Variants in GNB1L observed in about 807,000 individuals in gnomAD.
The protein encoded by GNB1L is guanine nucleotide-binding protein subunit beta-like protein 1.
In GNB1L, 20 loss-of-function variants were observed where a neutral mutation model predicts 29.1. The ratio of observed to expected loss-of-function variants is 0.69; its 90% CI spans 0.48 to 1.00. The LOEUF is 1.00. Among genes scored for constraint, GNB1L ranks in the 50% least tolerant of loss-of-function variants. The pLI is 0.00. For missense variants in GNB1L, 421 were observed against 464.9 expected, an observed-to-expected ratio of 0.91 and a Z score of 0.87; for synonymous variants, 193 against 206.5, an observed-to-expected ratio of 0.93 and a Z score of 0.56.
In GNB1L at chr22:19,809,025, A is replaced by C. The variant is rs80187699; in HGVS notation, c.418-2268T>G. 7.6e-3 allele frequency among the ~76,000 whole-genome samples: 1,152 copies of C among 152,094 alleles called. 26 individuals are homozygous for C. The South Asian group carries it at 0.086, about 11-fold the overall frequency. On this transcript the variant is annotated intron_variant, in intron 5 of 7. Transcript: ENST00000329517. ...CAGGGAAGTGCTAGGAAGGGAAGTC[A>C]CCTGGCAAGGGCTCCACCCCCGGGC... is the stretch of plus-strand genomic sequence containing the variant.
intron 2 of GNB1L, among the ~76,000 whole-genome samples, chr22:19,852,745 T>G (rs1672618361): frequency 1.3e-5 from 2 of 152,176 alleles, no homozygotes; most frequent in Non-Finnish European, 1.5e-5. Context: ...AATTTCAGGA[T>G]AGCAATAGTA....
intron 4 of GNB1L, among the ~76,000 whole-genome samples, chr22:19,819,911 A>C (rs1357813099): frequency 6.6e-6 from 1 of 152,074 alleles, no homozygotes; most frequent in African/African-American, 2.4e-5. Flanking sequence ...CTATACACCC[A>C]AGCCCTGCGC....
At position 19,792,586 on chromosome 22, in the gene GNB1L, TG is replaced by T. The variant is rs1334882420; in HGVS notation, c.733-3627del. ...CAAACAGCTACTCAGCTGCTTAAGC[TG>T]GCCCACAAGTACAGACCAGAGACAA... On this transcript the variant is annotated intron_variant, in intron 7 of 7. Coordinates refer to ENST00000329517, the MANE Select transcript of GNB1L (RefSeq NM_053004.3). 14 of 1,597,268 alleles carry T rather than the reference TG, an allele frequency of 8.8e-6. No homozygotes were observed. In the African/African-American group the frequency reaches 1.7e-4, roughly 20 times the overall value.
intron 2 of GNB1L, among the ~76,000 whole-genome samples, chr22:19,830,872 A>T (rs1178128107): frequency 1.3e-5 from 2 of 152,228 alleles, no homozygotes; most frequent in Non-Finnish European, 1.5e-5. Flanking sequence ...AAATAAACCC[A>T]AGTACGTGTG....
At chr22:19,792,444 C>G (rs1314725544) in intron 7 of GNB1L, 1 of 1,575,970 alleles carries the variant, frequency 6.3e-7, no homozygotes, top group Non-Finnish European at 8.6e-7. Flanking sequence ...CAAAAGAGAC[C>G]TCACCCACTT....
intron 7 of GNB1L, among the ~76,000 whole-genome samples, chr22:19,800,680 C>T (rs773966909): frequency 6.6e-6 from 1 of 152,206 alleles, no homozygotes; most frequent in Non-Finnish European, 1.5e-5. Context: ...ACATCAGGGC[C>T]TTGTGCCCCC....
At chr22:19,829,170 C>T (rs943801185) in intron 2 of GNB1L, among the ~76,000 whole-genome samples, 2 of 152,082 alleles carry the variant, frequency 1.3e-5, no homozygotes, top group African/African-American at 4.8e-5. Flanking sequence ...ATCACGTGGA[C>T]AATAAGTAGG....
At chr22:19,830,996 G>A (rs1937671373) in intron 2 of GNB1L, among the ~76,000 whole-genome samples, 1 of 152,170 alleles carries the variant, frequency 6.6e-6, no homozygotes, top group Non-Finnish European at 1.5e-5. Context: ...ACTCCAAGTG[G>A]ATCTGGGATC....
At chr22:19,812,608 G>A (rs1188845913) in intron 4 of GNB1L, among the ~76,000 whole-genome samples, 161 bp from the exon 5 acceptor site, 6 of 152,232 alleles carry the variant, frequency 3.9e-5, no homozygotes, top group Non-Finnish European at 5.9e-5. Flanking sequence ...GGGCCTCACC[G>A]CTCTGGCATT....
intron 2 of GNB1L, chr22:19,849,029 G>A (rs1479776552): frequency 8.1e-6 from 8 of 985,272 alleles, no homozygotes; most frequent in Non-Finnish European, 7.2e-6. Flanking sequence ...CCACAAAAGG[G>A]GGGATGGGGC....
intron 6 of GNB1L, among the ~76,000 whole-genome samples, chr22:19,804,590 C>T (rs1179262916): frequency 6.6e-6 from 1 of 151,292 alleles, no homozygotes; most frequent in Non-Finnish European, 1.5e-5. Context: ...TGTGATTGCC[C>T]CCCAAAAAAA....
At chr22:19,799,227 C>A (rs1937340515) in intron 7 of GNB1L, among the ~76,000 whole-genome samples, 1 of 152,238 alleles carries the variant, frequency 6.6e-6, no homozygotes, top group African/African-American at 2.4e-5. Context: ...AATCAGTCCC[C>A]ACTTCAAGGC....
chr22:19,852,631 G>T, intron 2 of GNB1L: 1 of 258,092 alleles, frequency 3.9e-6, no homozygotes. Context: ...GCTGGCCTGG[G>T]AGGTCTGAGG....
intron 2 of GNB1L, among the ~76,000 whole-genome samples, chr22:19,836,271 A>G (rs1248461521): frequency 6.6e-6 from 1 of 152,208 alleles, no homozygotes; most frequent in East Asian, 1.9e-4. Context: ...CAACTCAAAT[A>G]AATTCAAGCT....
At chr22:19,794,493 G>T (rs944246847) in intron 7 of GNB1L, among the ~76,000 whole-genome samples, 1 of 152,138 alleles carries the variant, frequency 6.6e-6, no homozygotes, top group Non-Finnish European at 1.5e-5. Context: ...AAGAAGCCAA[G>T]AGAGGAAACA....
At position 19,799,505 on chromosome 22, in the gene GNB1L, G is replaced by A. The variant is rs187838343; in HGVS notation, c.732+2496C>T. 2.8e-3 allele frequency among the ~76,000 whole-genome samples: 426 copies of A among 152,284 alleles called. 5 individuals carry two copies. The highest frequency in any genetic ancestry group is 5.9e-3 in the Admixed American group (91 of 15,298). ...TCTGGCCACCAGTGGCTCTCGTAGC[G>A]CATGACCTCAGGTGCCAGGAATGCG... On this transcript the variant is annotated intron_variant, in intron 7 of 7. Transcript: ENST00000329517.
At chr22:19,789,739 G>T (rs551347598) in intron 7 of GNB1L, among the ~76,000 whole-genome samples, 3 of 151,902 alleles carry the variant, frequency 2.0e-5, no homozygotes, top group African/African-American at 7.3e-5. Context: ...CCAACTACTC[G>T]GGAGGAGGAT....
chr22:19,792,288 C>T lies in GNB1L; in HGVS notation c.733-3328G>A, dbSNP rs1937260256. ...AAATGAAAGGAGCTCTCTCCCACCA[C>T]CCAAGATGCCAAAAGGAAAGAAGGC... On this transcript the variant is annotated intron_variant, in intron 7 of 7. Coordinates refer to ENST00000329517, the MANE Select transcript of GNB1L (RefSeq NM_053004.3). 7.0e-6 allele frequency: 5 copies of T among 717,534 alleles called. No individual in the cohort carries two copies. The South Asian group carries it at 7.8e-5, about 11-fold the overall frequency. 44.4% of individuals were successfully genotyped at this position (717,534 alleles called of 1,614,324 possible). A position where few individuals can be genotyped will look rare whatever the true frequency, so the allele number is the denominator to read the frequency against.
At chr22:19,817,350 A>G (rs1937535612) in intron 4 of GNB1L, among the ~76,000 whole-genome samples, 2 of 152,308 alleles carry the variant, frequency 1.3e-5, no homozygotes, top group Non-Finnish European at 2.9e-5. Context: ...ACGTAACGGC[A>G]CATGCCTCTT....
Sources: gnomAD v4.1 joint callset for allele counts (sites outside exome capture counted in the v4.1 genomes callset) on GRCh38, gnomAD v4.1.1 for gene constraint, MANE v1.5 for transcripts, NCBI Gene and HGNC (gene_info 2026-07-23, HGNC 2026-07-21) for gene names.